SCN7A: variants seen among roughly 807,000 people sequenced by gnomAD.
SCN7A encodes the protein sodium voltage-gated channel alpha subunit 7.
SCN7A carries 138 observed loss-of-function variants against 155.2 expected under a neutral mutation model. That is an observed-to-expected ratio of 0.89 (90% CI 0.77 to 1.02). The LOEUF (loss-of-function observed/expected upper bound fraction) is 1.02. Among genes scored for constraint, SCN7A ranks in the 50% least tolerant of loss-of-function variants. The pLI, the probability that SCN7A is intolerant of heterozygous loss-of-function variation, is 0.00. For missense variants in SCN7A, 2,058 were observed against 1,986.6 expected, an observed-to-expected ratio of 1.04 and a Z score of -0.68; for synonymous variants, 693 against 649.0, an observed-to-expected ratio of 1.07 and a Z score of -1.03.
chr2:166,405,904 G>A lies in SCN7A; in HGVS notation c.4725C>T (p.Leu1575=), dbSNP rs757402063. ...TCTTTGTAAAAGCAAGTAAGATATC[G>A]AGGCAATGAATTCTGTCCCCAACAG... ...PMAVGDRIHC[L]DILLAFTKRV... The change falls in exon 26 of 26, where the codon CTC becomes CTT. Residue 1575 remains leucine (L), a synonymous_variant. Coordinates refer to ENST00000643258, the MANE Select transcript of SCN7A (RefSeq NM_002976.4). The A allele has an allele frequency of 1.4e-5, 23 of 1,612,886 alleles. No homozygotes were observed. The Admixed American group carries it at 2.5e-4, about 18-fold the overall frequency.
At chr2:166,431,883 T>C (rs1701738851) in intron 16 of SCN7A, among the ~76,000 whole-genome samples, 1 of 152,090 alleles carries the variant, frequency 6.6e-6, no homozygotes, top group Admixed American at 6.6e-5. Flanking sequence ...TCTCCCATTT[T>C]AAGATTATAA....
chr2:166,468,519 C>T (rs926154702), intron 7 of SCN7A, among the ~76,000 whole-genome samples: 9 of 151,968 alleles, frequency 5.9e-5, no homozygotes, highest in Non-Finnish European at 1.5e-5. Flanking sequence ...GAATGAACCA[C>T]GGAAGTCCAT....
chr2:166,417,365 C>G (rs530609251), intron 20 of SCN7A, among the ~76,000 whole-genome samples: 1 of 151,838 alleles, frequency 6.6e-6, no homozygotes, highest in Non-Finnish European at 1.5e-5. Flanking sequence ...CCCAACTACT[C>G]GGGAGGCTGA....
intron 11 of SCN7A, among the ~76,000 whole-genome samples, chr2:166,451,009 G>T (rs1218603437): frequency 3.3e-5 from 5 of 152,118 alleles, no homozygotes; most frequent in African/African-American, 1.2e-4. Flanking sequence ...AGATGACACT[G>T]TGTGACATAT....
At chr2:166,410,635 GA>G (rs1701182296) in intron 23 of SCN7A, among the ~76,000 whole-genome samples, 1 of 151,894 alleles carries the variant, frequency 6.6e-6, no homozygotes, top group Non-Finnish European at 1.5e-5. Context: ...GGGATATCTG[GA>G]AATATTTACT....
rs866570600 is a variant in SCN7A at position 166,414,317 on chromosome 2, T to C, written c.3415-1196A>G. On this transcript the variant is annotated intron_variant, in intron 21 of 25. Coordinates refer to ENST00000643258, the MANE Select transcript of SCN7A (RefSeq NM_002976.4). The stretch of plus-strand genomic sequence containing the variant: ...ACATATATATATATATATATACACA[T>C]ATATATATATATATGAAGGAAGTAG... 1.4e-3 allele frequency among the ~76,000 whole-genome samples: 114 copies of C among 79,668 alleles called. 2 individuals are homozygous for C. Among genetic ancestry groups the C allele is most frequent in the Non-Finnish European group, 1.7e-3 (73 of 43,986 alleles). 52.3% of individuals were successfully genotyped at this position (79,668 alleles called of 152,430 possible). A position where few individuals can be genotyped will look rare whatever the true frequency, so the allele number is the denominator to read the frequency against.
chr2:166,446,862 G>A (rs958980198), intron 12 of SCN7A, among the ~76,000 whole-genome samples: 99 of 152,222 alleles, frequency 6.5e-4, no homozygotes, highest in African/African-American at 2.1e-3. Flanking sequence ...ATCACACGCA[G>A]GGACCTGTCG....
chr2:166,457,106 A>C, intron 10 of SCN7A, 30 bp from the exon 11 acceptor site: 1 of 1,463,890 alleles, frequency 6.8e-7, no homozygotes, highest in Middle Eastern at 2.0e-4. Flanking sequence ...AAGGCAAAAG[A>C]GTAAAATGTT....
rs1553513573 is a variant in SCN7A at position 166,414,032 on chromosome 2, A to AATATATTTATATATAT, written c.3415-912_3415-911insATATATATAAATATAT. ...ATACTATATATATGTAAATATATAT[A>AATATATTTATATATAT]AATATATTTATATATGTAAATATAT... On this transcript the variant is annotated intron_variant, in intron 21 of 25. Coordinates refer to ENST00000643258, the MANE Select transcript of SCN7A (RefSeq NM_002976.4). 1.0e-3 allele frequency among the ~76,000 whole-genome samples: 78 copies of AATATATTTATATATAT among 75,572 alleles called. 1 individual carries two copies. The highest frequency in any genetic ancestry group is 3.7e-3 in the African/African-American group (75 of 20,546). 49.6% of individuals were successfully genotyped at this position (75,572 alleles called of 152,430 possible).
At chr2:166,413,263 C>A in intron 21 of SCN7A, 142 bp from the exon 22 acceptor site, 1 of 439,470 alleles carries the variant, frequency 2.3e-6, no homozygotes, top group Non-Finnish European at 4.2e-6. Context: ...TTAACATTTT[C>A]ATTATTATAT....
At chr2:166,423,908 C>T (rs1047094364) in intron 18 of SCN7A, among the ~76,000 whole-genome samples, 3 of 152,036 alleles carry the variant, frequency 2.0e-5, no homozygotes, top group African/African-American at 7.2e-5. Context: ...GAAATGCTGA[C>T]GATTAATTAA....
chr2:166,427,512 T>A (rs528537676), intron 18 of SCN7A, among the ~76,000 whole-genome samples: 2 of 152,188 alleles, frequency 1.3e-5, no homozygotes, highest in Non-Finnish European at 2.9e-5. Flanking sequence ...TCTATTCACA[T>A]TCCATTTCCC....
At chr2:166,454,387 T>G (rs1702234732) in intron 11 of SCN7A, among the ~76,000 whole-genome samples, 1 of 152,216 alleles carries the variant, frequency 6.6e-6, no homozygotes, top group Non-Finnish European at 1.5e-5. Flanking sequence ...TTCAATGGTA[T>G]GCATGTTATG....
intron 6 of SCN7A, among the ~76,000 whole-genome samples, 160 bp downstream of exon 6, chr2:166,472,157 T>C (rs1045543935): frequency 1.3e-5 from 2 of 151,388 alleles, no homozygotes; most frequent in African/African-American, 4.8e-5. Context: ...GAGGACTAGG[T>C]CAGAGGCAGC....
intron 14 of SCN7A, 113 bp downstream of exon 14, chr2:166,443,390 T>C (rs1411805630): frequency 1.2e-6 from 1 of 844,964 alleles, no homozygotes; most frequent in Non-Finnish European, 1.8e-6. Flanking sequence ...AATCAATTCA[T>C]TTAATGCTCC....
chr2:166,486,074 A>G (rs914063430), intron 2 of SCN7A, among the ~76,000 whole-genome samples: 1 of 152,164 alleles, frequency 6.6e-6, no homozygotes, highest in African/African-American at 2.4e-5. Context: ...TTGTTCCCCT[A>G]AGATGCAAGA....
chr2:166,481,673 GA>G (rs1470141968), intron 2 of SCN7A, among the ~76,000 whole-genome samples: 1 of 152,136 alleles, frequency 6.6e-6, no homozygotes, highest in East Asian at 1.9e-4. Flanking sequence ...CACCACACCT[GA>G]AAGGCATGTC....
At chr2:166,412,469 A>G in intron 23 of SCN7A, 61 bp downstream of exon 23, 1 of 1,315,332 alleles carries the variant, frequency 7.6e-7, no homozygotes, top group Non-Finnish European at 9.8e-7. Context: ...GGGCATTTAT[A>G]TATTTATGTG....
At chr2:166,445,053 T>G (rs1575032733) in intron 12 of SCN7A, 53 bp from the exon 13 acceptor site, 2 of 1,128,082 alleles carry the variant, frequency 1.8e-6, no homozygotes, top group Admixed American at 3.9e-5. Flanking sequence ...CAGTGGCTCA[T>G]GCCTGTAATC....
Sources: allele counts gnomAD v4.1 joint callset (sites outside exome capture counted in the v4.1 genomes callset), GRCh38; gene constraint gnomAD v4.1.1; transcripts MANE v1.5; gene names NCBI Gene and HGNC (gene_info 2026-07-23, HGNC 2026-07-21).